The following OCA2 variants were observed in gnomAD, a reference collection of about 807,000 sequenced individuals.
OCA2 encodes OCA2 melanosomal transmembrane protein.
Under a neutral mutation model 100.2 loss-of-function variants are expected in OCA2, and 77 were observed. The observed-to-expected ratio is 0.77, with a 90% CI of 0.64 to 0.93. The LOEUF is 0.93. Among genes scored for constraint, OCA2 ranks in the 40% least tolerant of loss-of-function variants. The pLI is 0.00. For synonymous variants in OCA2, 432 were observed against 439.2 expected, an observed-to-expected ratio of 0.98 and a Z score of 0.21; for missense variants, 1,062 against 1,089.1, an observed-to-expected ratio of 0.98 and a Z score of 0.35.
intron 19 of OCA2, among the ~76,000 whole-genome samples, chr15:27,892,980 C>T (rs2037527102): frequency 6.6e-6 from 1 of 152,110 alleles, no homozygotes; most frequent in Non-Finnish European, 1.5e-5. Flanking sequence ...ACCAATTCCT[C>T]AAAAAACACA....
At chr15:27,731,602 T>C in the OCA2 span, among the ~76,000 whole-genome samples, 2 of 152,244 alleles carry the variant, frequency 1.3e-5, no homozygotes, top group Non-Finnish European at 2.9e-5. Context: ...TAATGAGGTA[T>C]GAAGAGTTAC....
chr15:27,890,082 G>C (rs1421239099), intron 19 of OCA2, among the ~76,000 whole-genome samples: 1 of 152,160 alleles, frequency 6.6e-6, no homozygotes, highest in Non-Finnish European at 1.5e-5. Context: ...CTCAATAGTA[G>C]AGATAATAAA....
At chr15:28,075,879 C>T (rs1004994088) in intron 2 of OCA2, among the ~76,000 whole-genome samples, 5 of 152,116 alleles carry the variant, frequency 3.3e-5, no homozygotes, top group Admixed American at 2.0e-4. Flanking sequence ...CAAGTGCTGA[C>T]GGGAAAAGGA....
At chr15:27,964,101 A>C (rs2040488792) in intron 15 of OCA2, among the ~76,000 whole-genome samples, 1 of 152,246 alleles carries the variant, frequency 6.6e-6, no homozygotes, top group Admixed American at 6.5e-5. Context: ...AAGGGATTTG[A>C]ATTTGTAGTT....
intron 19 of OCA2, among the ~76,000 whole-genome samples, chr15:27,887,570 C>T (rs116219166): frequency 0.016 from 2,344 of 149,662 alleles, 54 homozygotes; most frequent in African/African-American, 0.05. Context: ...GGTCAAGAGC[C>T]ATGTGCTATG....
chr15:27,959,143 T>TG (rs2040328515), intron 15 of OCA2, among the ~76,000 whole-genome samples: 1 of 152,252 alleles, frequency 6.6e-6, no homozygotes, highest in Non-Finnish European at 1.5e-5. Flanking sequence ...AGTTAGCACA[T>TG]GGCTTTCTCT....
rs144011656 is a variant in OCA2, at chr15:28,018,493, C to T, written c.711G>A (p.Val237=). 378 of 1,613,768 alleles carry T rather than the reference C, an allele frequency of 2.3e-4. 1 individual carries two copies. In the African/African-American group the frequency reaches 4.2e-3, roughly 18 times the overall value. The change falls in exon 7 of 24, where the codon GTG becomes GTA. Residue 237 remains valine (V), a synonymous_variant. Transcript: ENST00000354638. ...TCCCAGGACGACTCGGCCCACTGGC[C>T]ACTAGGGCCCCTGCCAGGTCCACCT... The part of the protein sequence containing the change: ...LLQVDLAGAL[V]ASGPSRPGRE...
intron 14 of OCA2, among the ~76,000 whole-genome samples, chr15:27,971,656 G>A (rs1348810566): frequency 1.3e-5 from 2 of 152,132 alleles, no homozygotes; most frequent in Non-Finnish European, 1.5e-5. Flanking sequence ...CCTAAGCCTC[G>A]TGCAGCAATG....
chr15:27,896,643 A>C, intron 19 of OCA2: 1 of 168,728 alleles, frequency 5.9e-6, no homozygotes, highest in East Asian at 1.7e-4. Flanking sequence ...GACAGCAAAA[A>C]AAAAAAAAAA....
At chr15:28,082,507 A>G (rs529382939) in intron 1 of OCA2, among the ~76,000 whole-genome samples, 3 of 152,336 alleles carry the variant, frequency 2.0e-5, no homozygotes, top group Non-Finnish European at 4.4e-5. Context: ...CTAAGTGTTC[A>G]GCAACAGAGA....
chr15:27,929,417 C>G (rs58122784), intron 18 of OCA2, among the ~76,000 whole-genome samples: 6,043 of 152,176 alleles, frequency 0.04, 411 homozygotes, highest in African/African-American at 0.14. Context: ...ACATATGGTG[C>G]TGGAACAGTT....
intron 23 of OCA2, among the ~76,000 whole-genome samples, chr15:27,821,684 CCACACATG>C (rs1309032698): frequency 1.3e-5 from 2 of 151,746 alleles, no homozygotes; most frequent in African/African-American, 4.9e-5. Flanking sequence ...GTGTATTCAC[CCACACATG>C]CACACATACA....
intron 2 of OCA2, among the ~76,000 whole-genome samples, chr15:28,053,417 A>G (rs192591161): frequency 6.6e-6 from 1 of 152,242 alleles, no homozygotes; most frequent in African/African-American, 2.4e-5. Context: ...CTTCATCACA[A>G]AGCACAGTGA....
intron 19 of OCA2, among the ~76,000 whole-genome samples, chr15:27,907,229 T>C (rs1018335343): frequency 3.9e-5 from 6 of 152,048 alleles, no homozygotes; most frequent in African/African-American, 1.4e-4. Flanking sequence ...AGAAAATTAC[T>C]AAGAAAAACA....
At chr15:27,882,232 G>T (rs2037049345) in intron 19 of OCA2, among the ~76,000 whole-genome samples, 3 of 152,074 alleles carry the variant, frequency 2.0e-5, no homozygotes, top group Non-Finnish European at 4.4e-5. Context: ...AGCTGCATGA[G>T]CTCTGGCAAT....
Position 28,018,677 on chromosome 15 carries a change from A to ACGG in OCA2, c.647-121_647-120insCCG, listed in dbSNP as rs2042485509. On this transcript the variant is annotated intron_variant, in intron 6 of 23. Transcript: ENST00000354638. ...AGAAATGCGTTTCCCCAGGTGCCCC[A>ACGG]CGCCCTTGGCCATTAACACGATCTT... 5 of 937,650 alleles carry ACGG rather than the reference A, an allele frequency of 5.3e-6. No individual in the cohort carries two copies. The South Asian group carries it at 7.0e-5, about 13-fold the overall frequency. 58.1% of individuals were successfully genotyped at this position (937,650 alleles called of 1,614,324 possible).
In OCA2 at chr15:27,957,687, C is replaced by G. The variant is rs1162229064; in HGVS notation, c.1685G>C (p.Ser562Thr). ...AGCTGTCTCCTCGCGGCTGGCCGGGCTGATGCGCTGAGCAGTCAGGCGCCA... is the reference window on the plus strand; with the variant it reads ...AGCTGTCTCCTCGCGGCTGGCCGGGGTGATGCGCTGAGCAGTCAGGCGCCA... ...HVWRLTAQRI[S>T]PASREETAVR... The change falls in exon 16 of 24, where the codon AGC becomes ACC. Residue 562 changes from serine (S) to threonine (T), a missense_variant. Physicochemically the swap from Ser to Thr is moderately conservative, Grantham distance 58. Transcript: ENST00000354638. The surrounding 1 kb of genome is among the most constrained non-coding windows in gnomAD (Gnocchi z 4.3). The G allele has an allele frequency of 6.2e-7, 1 of 1,613,078 alleles. No homozygotes were observed.
intron 19 of OCA2, among the ~76,000 whole-genome samples, chr15:27,898,668 T>C (rs2037806240): frequency 6.6e-6 from 1 of 152,170 alleles, no homozygotes; most frequent in Admixed American, 6.5e-5. Context: ...GTAGGTAAAA[T>C]AAATAAAAGT....
At chr15:28,011,845 G>A (rs1026801740) in intron 9 of OCA2, among the ~76,000 whole-genome samples, 1 of 151,428 alleles carries the variant, frequency 6.6e-6, no homozygotes, top group Non-Finnish European at 1.5e-5. Flanking sequence ...TCGAACCCAG[G>A]AGATGGTGTT....
Sources: allele counts gnomAD v4.1 joint callset (sites outside exome capture counted in the v4.1 genomes callset), GRCh38; gene constraint gnomAD v4.1.1; non-coding constraint Gnocchi (gnomAD v3.1); transcripts MANE v1.5; gene names NCBI Gene and HGNC (gene_info 2026-07-23, HGNC 2026-07-21).